MTMR12: variants seen among roughly 807,000 people sequenced by gnomAD.
The protein encoded by MTMR12 is myotubularin related protein 12, also known as myotubularin-related protein 12.
In MTMR12, 33 loss-of-function variants were observed where a neutral mutation model predicts 96.7. The observed-to-expected ratio is 0.34, with a 90% CI of 0.26 to 0.46. The LOEUF (loss-of-function observed/expected upper bound fraction) is 0.46, where lower values mean the gene tolerates loss of function less well. MTMR12 is among the 20% of genes least tolerant of loss of function. The probability of loss-of-function intolerance (pLI) is 1.00; values close to 1 mark genes in which losing one functional copy is unlikely to be tolerated. For synonymous variants in MTMR12, 298 were observed against 327.2 expected, an observed-to-expected ratio of 0.91 and a Z score of 0.96; for missense variants, 721 against 896.1, an observed-to-expected ratio of 0.80 and a Z score of 2.49.
chr5:32,293,676 C>T (rs956113781), intron 1 of MTMR12, among the ~76,000 whole-genome samples: 1 of 152,174 alleles, frequency 6.6e-6, no homozygotes, highest in Non-Finnish European at 1.5e-5. Flanking sequence ...CCTCTTACTT[C>T]CTCACAAACC....
chr5:32,306,428 T>C (rs530475223), intron 1 of MTMR12, among the ~76,000 whole-genome samples: 2 of 152,134 alleles, frequency 1.3e-5, no homozygotes, highest in Non-Finnish European at 2.9e-5. Context: ...CACAGTCATA[T>C]CTCTGGGAAG....
chr5:32,284,317 C>CAAAAAAAAAAAAAAAA (rs57597487), intron 1 of MTMR12, among the ~76,000 whole-genome samples: 1 of 47,276 alleles, frequency 2.1e-5, no homozygotes, highest in African/African-American at 7.3e-5. Flanking sequence ...GACCCTGTCT[C>CAAAAAAAAAAAAAAAA]AAAAAAAAAA....
chr5:32,299,068 CAT>C (rs945892727), intron 1 of MTMR12, among the ~76,000 whole-genome samples: 29 of 150,310 alleles, frequency 1.9e-4, no homozygotes, highest in African/African-American at 6.5e-4. Context: ...CACACACACA[CAT>C]ACACATACAC....
At chr5:32,282,329 G>A (rs182170634) in intron 1 of MTMR12, among the ~76,000 whole-genome samples, 3 of 152,042 alleles carry the variant, frequency 2.0e-5, no homozygotes, top group Non-Finnish European at 4.4e-5. Context: ...GCTGAGGCAG[G>A]AGAATGGCGT....
At chr5:32,294,590 C>T (rs760172956) in intron 1 of MTMR12, among the ~76,000 whole-genome samples, 5 of 152,078 alleles carry the variant, frequency 3.3e-5, no homozygotes, top group Admixed American at 6.6e-5. Context: ...TGTGAGCCAC[C>T]GCACCTGGCC....
chr5:32,268,213 A>G (rs1426771261), intron 6 of MTMR12, among the ~76,000 whole-genome samples: 1 of 152,132 alleles, frequency 6.6e-6, no homozygotes, highest in African/African-American at 2.4e-5. Context: ...GAAGGTAAAC[A>G]AAGATCACAG....
rs1470859888 is a variant in MTMR12 at position 32,227,807 on chromosome 5, CTCTT to C, written c.*1967_*1970del. 6.5e-6 allele frequency: 1 copy of C among 152,674 alleles called. No individual in the cohort carries two copies. The highest frequency in any genetic ancestry group is 1.5e-5 in the Non-Finnish European group (1 of 68,084). The allele number at this position is 152,674 out of a possible 1,614,324, so 9.5% of individuals were successfully genotyped here. A position where few individuals can be genotyped will look rare whatever the true frequency, so the allele number is the denominator to read the frequency against. On this transcript the variant is annotated 3_prime_UTR_variant, in exon 16 of 16. Coordinates refer to ENST00000382142, the MANE Select transcript of MTMR12 (RefSeq NM_001040446.3). Reference sequence around the variant, plus strand: ...AGCCTAACACTGACCTCGCTAGTAACTCTTAAGGCAATCAAGACGGAACATGTGT... The same window carrying C: ...AGCCTAACACTGACCTCGCTAGTAACAAGGCAATCAAGACGGAACATGTGT...
rs750214278 is a variant in MTMR12 at position 32,235,053 on chromosome 5, T to C, written c.1421A>G (p.Glu474Gly). 1.9e-6 allele frequency: 3 copies of C among 1,614,076 alleles called. No individual in the cohort carries two copies. The East Asian group carries it at 6.7e-5, about 36-fold the overall frequency. The change falls in exon 14 of 16, where the codon GAG becomes GGG. Residue 474 changes from glutamate to glycine, a missense_variant. Transcript: ENST00000382142. ...ATCTGACAAAACAGTCAGGTAAGTC[T>C]CTGTGAATTCAAATGCCGGGGGATG... Reference protein sequence around the residue: ...HQHPPAFEFTETYLTVLSDSL... With the variant: ...HQHPPAFEFTGTYLTVLSDSL...
rs1263946755 is a variant in MTMR12, at chr5:32,252,086, A to AT, written c.790-3209dup. ...GTTTGCTGTTTGGTTTGAATAATCC[A>AT]TAACAATATTCATTTGTCCCAGAGG... is the stretch of plus-strand genomic sequence containing the variant. On this transcript the variant is annotated intron_variant, in intron 8 of 15. Coordinates refer to ENST00000382142, the MANE Select transcript of MTMR12 (RefSeq NM_001040446.3). 4.6e-4 allele frequency among the ~76,000 whole-genome samples: 70 copies of AT among 152,356 alleles called. No homozygotes were observed. The Middle Eastern group carries it at 0.014, about 30-fold the overall frequency.
intron 7 of MTMR12, among the ~76,000 whole-genome samples, chr5:32,261,003 C>G (rs1467361802): frequency 6.6e-6 from 1 of 151,518 alleles, no homozygotes; most frequent in African/African-American, 2.4e-5. Context: ...GAGGCTGAGG[C>G]AGGCAGATCA....
At chr5:32,298,468 C>G (rs929660129) in intron 1 of MTMR12, among the ~76,000 whole-genome samples, 2 of 151,994 alleles carry the variant, frequency 1.3e-5, no homozygotes, top group Non-Finnish European at 2.9e-5. Flanking sequence ...TCCTAGAAGC[C>G]CTTGAGACAG....
intron 13 of MTMR12, 39 bp from the exon 14 acceptor site, chr5:32,235,168 C>A: frequency 6.4e-7 from 1 of 1,574,626 alleles, no homozygotes; most frequent in Admixed American, 1.8e-5. Context: ...TGGGCAGAGC[C>A]CAGAGCAAGC....
rs576674195 is a variant in MTMR12, at chr5:32,254,968, G to A, written c.789+725C>T. ...GTGGCATATACTGCCTAGCACTGAA[G>A]AGATGTCCCCCTAGACCAGGCGGAG... On this transcript the variant is annotated intron_variant, in intron 8 of 15. Coordinates refer to ENST00000382142, the MANE Select transcript of MTMR12 (RefSeq NM_001040446.3). 5.9e-5 allele frequency among the ~76,000 whole-genome samples: 9 copies of A among 152,344 alleles called. No individual in the cohort carries two copies. The South Asian group carries it at 1.7e-3, about 28-fold the overall frequency.
chr5:32,233,925 C>G lies in MTMR12; in HGVS notation c.1522G>C (p.Gly508Arg), dbSNP rs1748106634. The change falls in exon 15 of 16, where the codon GGC becomes CGC. Residue 508 changes from glycine to arginine, a missense_variant. By Grantham distance (125) the Gly-to-Arg change is moderately radical (BLOSUM62 -2). Coordinates refer to ENST00000382142, the MANE Select transcript of MTMR12 (RefSeq NM_001040446.3). This position sits in a 1 kb window ranked among gnomAD's most constrained non-coding sequence, Gnocchi z 5.0. ...HQKDTNMGREGQDTQSKPLNL... is the reference protein window; with the variant it reads ...HQKDTNMGRERQDTQSKPLNL... ...AAAGGCTTGCTTTGTGTATCCTGGC[C>G]TTCTCTACCCTGCCAAAACAAGCAC... The G allele has an allele frequency of 2.5e-6, 4 of 1,614,192 alleles. No homozygotes were observed.
intron 6 of MTMR12, among the ~76,000 whole-genome samples, chr5:32,268,230 T>A (rs1749683187): frequency 6.6e-6 from 1 of 151,916 alleles, no homozygotes; most frequent in Non-Finnish European, 1.5e-5. Context: ...ACAGGAAGCC[T>A]GGCCCAGTGG....
In MTMR12 at chr5:32,255,674, G is replaced by T; in HGVS notation, c.789+19C>A. 1.3e-6 allele frequency: 2 copies of T among 1,596,570 alleles called. No homozygotes were observed. Among genetic ancestry groups the T allele is most frequent in the African/African-American group, 1.3e-5 (1 of 74,674 alleles). Reference sequence around the variant, plus strand: ...CCAATGCACAACCCACACCTTTCAGGGTTCCCAGATGCACTTACTGGTATG... The same window carrying T: ...CCAATGCACAACCCACACCTTTCAGTGTTCCCAGATGCACTTACTGGTATG... On this transcript the variant is annotated intron_variant, in intron 8 of 15. Coordinates refer to ENST00000382142, the MANE Select transcript of MTMR12 (RefSeq NM_001040446.3).
chr5:32,305,974 T>A (rs1010188785), intron 1 of MTMR12, among the ~76,000 whole-genome samples: 14 of 151,932 alleles, frequency 9.2e-5, no homozygotes, highest in African/African-American at 3.4e-4. Context: ...ATTCTATCTT[T>A]CAAAAACACC....
chr5:32,299,658 C>T (rs1203821857), intron 1 of MTMR12, among the ~76,000 whole-genome samples: 1 of 152,124 alleles, frequency 6.6e-6, no homozygotes, highest in Non-Finnish European at 1.5e-5. Flanking sequence ...TCACTAAGGG[C>T]CAGACTGATC....
At chr5:32,285,330 C>T (rs1295437198) in intron 1 of MTMR12, among the ~76,000 whole-genome samples, 1 of 149,326 alleles carries the variant, frequency 6.7e-6, no homozygotes, top group Non-Finnish European at 1.5e-5. Flanking sequence ...TGCACTTCAG[C>T]CTGGGTGACA....
Sources: allele counts gnomAD v4.1 joint callset (sites outside exome capture counted in the v4.1 genomes callset), GRCh38; gene constraint gnomAD v4.1.1; non-coding constraint Gnocchi (gnomAD v3.1); transcripts MANE v1.5; gene names NCBI Gene and HGNC (gene_info 2026-07-23, HGNC 2026-07-21).